Variants in ZNF560 observed in about 807,000 individuals in gnomAD.
ZNF560 encodes the protein zinc finger protein 560.
In ZNF560, 54 loss-of-function variants were observed where a neutral mutation model predicts 81.8. That is an observed-to-expected ratio of 0.66 (90% confidence interval 0.53 to 0.83). The LOEUF is 0.83. Ranked by LOEUF, ZNF560 falls within the 40% of genes least tolerant of loss-of-function variation. ZNF560 has a pLI of 0.00. For synonymous variants in ZNF560, 321 were observed against 317.9 expected (o/e 1.01, Z -0.10); for missense variants, 940 against 932.4 (o/e 1.01, Z -0.11).
the ZNF560 span, among the ~76,000 whole-genome samples, chr19:9,447,157 A>T: frequency 0.53 from 77,189 of 146,878 alleles, 20,767 homozygotes; most frequent in Non-Finnish European, 0.55. Context: ...AAAAAAATAG[A>T]CATACTCTCT....
At position 9,466,923 on chromosome 19, in the gene ZNF560, A is replaced by G. The variant is rs766084939; in HGVS notation, c.2024T>C (p.Leu675Ser). The G allele has an allele frequency of 6.2e-7, 1 of 1,614,124 alleles. No homozygotes were observed. Among genetic ancestry groups the G allele is most frequent in the South Asian group, 1.1e-5 (1 of 91,080 alleles). ...YSRSCVLTQHLKTHAAEKTSE... is the reference protein window; with the variant it reads ...YSRSCVLTQHSKTHAAEKTSE... The stretch of plus-strand genomic sequence containing the variant: ...GGTCTTCTCTGCTGCATGAGTTTTT[A>G]AGTGTTGAGTTAGTACACAAGACCT... The change falls in exon 10 of 10, where the codon TTA becomes TCA. Residue 675 changes from leucine to serine, a missense_variant. Coordinates refer to ENST00000301480, the MANE Select transcript of ZNF560 (RefSeq NM_152476.3).
the ZNF560 span, among the ~76,000 whole-genome samples, chr19:9,455,222 A>T: frequency 6.6e-6 from 1 of 152,170 alleles, no homozygotes; most frequent in Non-Finnish European, 1.5e-5. Flanking sequence ...ATGAGTTTAA[A>T]CAGGCTATCA....
At chr19:9,457,414 C>T in the ZNF560 span, among the ~76,000 whole-genome samples, 1 of 152,160 alleles carries the variant, frequency 6.6e-6, no homozygotes, top group South Asian at 2.1e-4. Flanking sequence ...GGCTGCTAAG[C>T]GTTTTAATTG....
the ZNF560 span, among the ~76,000 whole-genome samples, chr19:9,454,699 T>A: frequency 2.0e-5 from 3 of 152,092 alleles, no homozygotes; most frequent in Non-Finnish European, 4.4e-5. Context: ...AATATGGATG[T>A]AGAGGTCTGG....
the ZNF560 span, among the ~76,000 whole-genome samples, chr19:9,454,554 G>T: frequency 6.6e-6 from 1 of 152,162 alleles, no homozygotes; most frequent in Non-Finnish European, 1.5e-5. Flanking sequence ...TGGGACAAGG[G>T]TCAAGCAGGC....
chr19:9,453,192 T>G, the ZNF560 span, among the ~76,000 whole-genome samples: 8 of 152,248 alleles, frequency 5.3e-5, no homozygotes, highest in South Asian at 1.2e-3. Flanking sequence ...GAATGAGAGA[T>G]AATGAGAAAG....
chr19:9,478,747 C>A (rs1308271137), intron 2 of ZNF560, among the ~76,000 whole-genome samples: 2 of 151,692 alleles, frequency 1.3e-5, no homozygotes, highest in African/African-American at 4.9e-5. Flanking sequence ...ATGGTAACCA[C>A]AAAGCAAAAA....
intron 2 of ZNF560, among the ~76,000 whole-genome samples, chr19:9,480,397 G>A (rs2073267822): frequency 1.2e-5 from 1 of 80,412 alleles, no homozygotes; most frequent in Admixed American, 1.1e-4. Context: ...AACAAGCAAA[G>A]GATTTAAAGA....
intron 3 of ZNF560, among the ~76,000 whole-genome samples, chr19:9,474,675 G>T (rs1389311508): frequency 1.3e-5 from 2 of 150,832 alleles, no homozygotes; most frequent in East Asian, 3.9e-4. Context: ...CTTTTTTTTT[G>T]GGAAGCAGGG....
upstream of ZNF560, among the ~76,000 whole-genome samples, chr19:9,503,176 A>G (rs922501194): frequency 6.6e-6 from 1 of 152,148 alleles, no homozygotes; most frequent in South Asian, 2.1e-4. Context: ...AGCTGTGATC[A>G]TGCCACAGCA....
At chr19:9,453,586 TA>T in the ZNF560 span, among the ~76,000 whole-genome samples, 1 of 151,986 alleles carries the variant, frequency 6.6e-6, no homozygotes, top group Non-Finnish European at 1.5e-5. Context: ...AAACTACCTA[TA>T]AAAACAACTC....
At chr19:9,462,596 G>A (rs554928232), downstream of ZNF560, among the ~76,000 whole-genome samples, 159 of 151,876 alleles carry the variant, frequency 1.0e-3, no homozygotes, top group African/African-American at 3.7e-3. Context: ...CCTGGTCTTG[G>A]CAAATATTAC....
chr19:9,479,182 T>TA (rs2073247902), intron 2 of ZNF560, among the ~76,000 whole-genome samples: 1 of 137,142 alleles, frequency 7.3e-6, no homozygotes, highest in African/African-American at 2.8e-5. Flanking sequence ...TTTTCCAAAA[T>TA]GGAAAAAAAA....
the ZNF560 span, among the ~76,000 whole-genome samples, chr19:9,505,155 G>A: frequency 6.6e-6 from 1 of 152,184 alleles, no homozygotes; most frequent in East Asian, 1.9e-4. Context: ...TAAACTCCTA[G>A]GCTCAAGCAA....
chr19:9,463,984 A>G (rs1241293931), downstream of ZNF560, among the ~76,000 whole-genome samples: 1 of 152,198 alleles, frequency 6.6e-6, no homozygotes, highest in Non-Finnish European at 1.5e-5. Flanking sequence ...CACCCAGCTG[A>G]TTCAGGATTG....
chr19:9,489,952 T>G (rs892361163), intron 2 of ZNF560, among the ~76,000 whole-genome samples: 1 of 152,232 alleles, frequency 6.6e-6, no homozygotes, highest in African/African-American at 2.4e-5. Context: ...ACTAGACATT[T>G]TGAATTTTAC....
intron 2 of ZNF560, among the ~76,000 whole-genome samples, chr19:9,476,571 T>C (rs1343286991): frequency 2.0e-5 from 3 of 152,146 alleles, no homozygotes; most frequent in African/African-American, 7.2e-5. Flanking sequence ...ATTACAGATG[T>C]GAGCCACCGC....
At chr19:9,482,213 G>T (rs1332324146) in intron 2 of ZNF560, among the ~76,000 whole-genome samples, 1 of 151,848 alleles carries the variant, frequency 6.6e-6, no homozygotes, top group East Asian at 1.9e-4. Context: ...TCATAGGTGA[G>T]AATTGAACAA....
At chr19:9,476,015 G>T (rs1405185853) in intron 2 of ZNF560, among the ~76,000 whole-genome samples, 5 of 152,126 alleles carry the variant, frequency 3.3e-5, no homozygotes, top group Non-Finnish European at 5.9e-5. Context: ...ACTTAAGGGG[G>T]CTAACTTACA....
Sources: allele counts gnomAD v4.1 joint callset (sites outside exome capture counted in the v4.1 genomes callset), GRCh38; gene constraint gnomAD v4.1.1; transcripts MANE v1.5; gene names NCBI Gene and HGNC (gene_info 2026-07-23, HGNC 2026-07-21).